RERE: variants seen among roughly 807,000 people sequenced by gnomAD.
The protein encoded by RERE is arginine-glutamic acid dipeptide repeats protein.
RERE carries 40 observed loss-of-function variants against 146.1 expected under a neutral mutation model. The ratio of observed to expected loss-of-function variants is 0.27; its 90% confidence interval spans 0.21 to 0.36. The LOEUF is 0.36. Ranked by LOEUF, RERE falls within the 10% of genes least tolerant of loss-of-function variation. The probability of loss-of-function intolerance (pLI) is 1.00; values close to 1 mark genes in which losing one functional copy is unlikely to be tolerated. For missense variants in RERE, 1,933 were observed against 2,138.7 expected, an observed-to-expected ratio of 0.90 and a Z score of 1.90; for synonymous variants, 1,003 against 866.0, an observed-to-expected ratio of 1.16 and a Z score of -2.78.
In RERE at chr1:8,362,757, C is replaced by T. The variant is rs781019481; in HGVS notation, c.1828G>A (p.Gly610Ser). ...SPINEDIRSS[G>S]RNSPSAASTS... ...CTGGCAGCGCTGGGGGAGTTCCGGC[C>T]GCTGGAGCGGATGTCTTCATTGATG... Residue 610 changes from glycine (G) to serine (S), a missense_variant, in exon 16 of 23, where the codon GGC (glycine) becomes AGC (serine). Physicochemically the swap from Gly to Ser is moderately conservative, Grantham distance 56. Coordinates refer to ENST00000400908, the MANE Select transcript of RERE (RefSeq NM_001042681.2). The T allele has an allele frequency of 2.6e-5, 42 of 1,614,112 alleles. No individual in the cohort carries two copies. The highest frequency in any genetic ancestry group is 3.3e-5 in the Admixed American group (2 of 60,004).
intron 7 of RERE, among the ~76,000 whole-genome samples, chr1:8,527,754 G>A (rs1645587330): frequency 6.6e-6 from 1 of 151,966 alleles, no homozygotes; most frequent in Non-Finnish European, 1.5e-5. Flanking sequence ...GGCTTCACAT[G>A]CCATGCCACC....
At chr1:8,408,457 G>A (rs531402514) in intron 12 of RERE, among the ~76,000 whole-genome samples, 1 of 152,292 alleles carries the variant, frequency 6.6e-6, no homozygotes, top group East Asian at 1.9e-4. Flanking sequence ...TTTGTAAGAG[G>A]TCAGCCTTTC....
chr1:8,613,556 C>T (rs111433704), intron 4 of RERE, among the ~76,000 whole-genome samples: 2 of 152,216 alleles, frequency 1.3e-5, no homozygotes, highest in African/African-American at 4.8e-5. Flanking sequence ...ATCTGGAGCA[C>T]TTTCTTTTCT....
intron 1 of RERE, among the ~76,000 whole-genome samples, chr1:8,675,920 G>A (rs1468495993): frequency 6.6e-6 from 1 of 152,102 alleles, no homozygotes; most frequent in Non-Finnish European, 1.5e-5. Context: ...ATGGTCCAAT[G>A]AGCATTTCTT....
intron 1 of RERE, among the ~76,000 whole-genome samples, chr1:8,732,504 G>A (rs1640106532): frequency 1.3e-5 from 2 of 152,134 alleles, no homozygotes; most frequent in Admixed American, 6.6e-5. Flanking sequence ...GCTGGGCAAA[G>A]AAGGGAGAGA....
intron 4 of RERE, among the ~76,000 whole-genome samples, chr1:8,585,747 G>T (rs1464088036): frequency 6.6e-6 from 1 of 152,160 alleles, no homozygotes; most frequent in Non-Finnish European, 1.5e-5. Flanking sequence ...TGAAAACTGG[G>T]TAAATAAACG....
chr1:8,385,968 TAAAAAAAA>T (rs34493389), intron 12 of RERE, among the ~76,000 whole-genome samples: 121 of 9,414 alleles, frequency 0.013, 3 homozygotes, highest in African/African-American at 0.049. Flanking sequence ...GACTCCGTCT[TAAAAAAAA>T]AAAAAAAAAA....
At chr1:8,800,953 G>A (rs1035336752) in intron 1 of RERE, among the ~76,000 whole-genome samples, 14 of 149,948 alleles carry the variant, frequency 9.3e-5, no homozygotes, top group Non-Finnish European at 8.9e-5. Flanking sequence ...GATACAGCAA[G>A]ACTCAGTCTC....
intron 10 of RERE, among the ~76,000 whole-genome samples, chr1:8,487,942 T>G (rs1455152209): frequency 6.6e-6 from 1 of 152,118 alleles, no homozygotes; most frequent in African/African-American, 2.4e-5. Flanking sequence ...AAAATCTTAT[T>G]GTAAGAAGTA....
intron 7 of RERE, among the ~76,000 whole-genome samples, chr1:8,536,643 TCAAA>T (rs1267161659): frequency 3.9e-5 from 6 of 152,130 alleles, no homozygotes; most frequent in African/African-American, 7.2e-5. Context: ...ATCAGACCCT[TCAAA>T]CAAACAGAGA....
intron 1 of RERE, among the ~76,000 whole-genome samples, chr1:8,688,389 C>G (rs1639136491): frequency 6.6e-6 from 1 of 152,054 alleles, no homozygotes; most frequent in African/African-American, 2.4e-5. Flanking sequence ...TGGTGAAACC[C>G]CGTCTCTACT....
intron 10 of RERE, among the ~76,000 whole-genome samples, chr1:8,476,525 AAAC>A (rs976092468): frequency 5.1e-4 from 78 of 152,336 alleles, no homozygotes; most frequent in African/African-American, 1.9e-3. Flanking sequence ...ACATGTAAAC[AAAC>A]TAACAAAAAA....
rs114280600 is a variant in RERE at position 8,356,615 on chromosome 1, C to T, written c.4340-369G>A. 2.5e-3 allele frequency among the ~76,000 whole-genome samples: 375 copies of T among 152,290 alleles called. 3 individuals are homozygous for T. The highest frequency in any genetic ancestry group is 8.5e-3 in the African/African-American group (352 of 41,558). On this transcript the variant is annotated intron_variant, in intron 20 of 22. Coordinates refer to ENST00000400908, the MANE Select transcript of RERE (RefSeq NM_001042681.2). The surrounding 1 kb of genome is among the most constrained non-coding windows in gnomAD (Gnocchi z 5.2). Reference sequence around the variant, plus strand: ...GGTCACAGGAACACACAGCCTTGCGCCAGTGGGTGTTGGGCTGGCACCCCC... The same window carrying T: ...GGTCACAGGAACACACAGCCTTGCGTCAGTGGGTGTTGGGCTGGCACCCCC...
chr1:8,438,568 T>G (rs1644202513), intron 11 of RERE, among the ~76,000 whole-genome samples: 1 of 152,208 alleles, frequency 6.6e-6, no homozygotes, highest in Non-Finnish European at 1.5e-5. Context: ...ATCAGCATTT[T>G]GTGCTCACTA....
chr1:8,370,337 G>A lies in RERE; in HGVS notation c.1285-4363C>T, dbSNP rs149885602. Reference sequence around the variant, plus strand: ...GCGGTTGCCGAGAGCCTGGAGGGTGGGGGACAAGAAACTAAAAGAACTCAG... The same window carrying A: ...GCGGTTGCCGAGAGCCTGGAGGGTGAGGGACAAGAAACTAAAAGAACTCAG... On this transcript the variant is annotated intron_variant, in intron 12 of 22. Coordinates refer to ENST00000400908, the MANE Select transcript of RERE (RefSeq NM_001042681.2). 7.1e-3 allele frequency among the ~76,000 whole-genome samples: 1,080 copies of A among 152,192 alleles called. 54 individuals carry two copies. Among genetic ancestry groups the A allele is most frequent in the Admixed American group, 0.065 (993 of 15,284 alleles).
chr1:8,595,785 G>A (rs947822023), intron 4 of RERE, among the ~76,000 whole-genome samples: 2 of 152,164 alleles, frequency 1.3e-5, no homozygotes, highest in Admixed American at 1.3e-4. Context: ...TGTATTGGTA[G>A]AGATATAGAT....
At chr1:8,542,139 A>T (rs1282574510) in intron 6 of RERE, among the ~76,000 whole-genome samples, 3 of 152,066 alleles carry the variant, frequency 2.0e-5, no homozygotes, top group African/African-American at 7.2e-5. Context: ...ATCCAAACAC[A>T]CACACGCACA....
chr1:8,648,500 G>C (rs1647434444), intron 2 of RERE, among the ~76,000 whole-genome samples: 1 of 152,046 alleles, frequency 6.6e-6, no homozygotes, highest in South Asian at 2.1e-4. Context: ...CCAAAGTTCT[G>C]GAATTACAGA....
At chr1:8,590,876 G>C (rs1039147882) in intron 4 of RERE, 8 of 152,214 alleles carry the variant, frequency 5.3e-5, no homozygotes, top group Non-Finnish European at 1.2e-4. Flanking sequence ...CCACACGCCT[G>C]CTCTCACCCA....
Sources: gnomAD v4.1 joint callset for allele counts (sites outside exome capture counted in the v4.1 genomes callset) on GRCh38, gnomAD v4.1.1 for gene constraint, Gnocchi (gnomAD v3.1) non-coding constraint, MANE v1.5 for transcripts, NCBI Gene and HGNC (gene_info 2026-07-23, HGNC 2026-07-21) for gene names.